The following SHLD1 variants were observed in gnomAD, a reference collection of about 807,000 sequenced individuals.
SHLD1 encodes the protein RINN1-REV7-interacting novel NHEJ regulator 3.
In SHLD1, 3 loss-of-function variants were observed where a neutral mutation model predicts 5.5. The ratio of observed to expected loss-of-function variants is 0.54; its 90% CI spans 0.25 to 1.40. The LOEUF is 1.40. SHLD1 is among the 40% of genes most tolerant of loss of function. The pLI, the probability that SHLD1 is intolerant of heterozygous loss-of-function variation, is 0.15. For synonymous variants in SHLD1, 92 were observed against 94.3 expected (o/e 0.98, Z 0.14); for missense variants, 210 against 244.4 (o/e 0.86, Z 0.94).
At chr20:5,798,709 C>T (rs894165647) in intron 2 of SHLD1, among the ~76,000 whole-genome samples, 7 of 152,010 alleles carry the variant, frequency 4.6e-5, no homozygotes, top group African/African-American at 1.7e-4. Flanking sequence ...GCTCCGCCTC[C>T]CAGGTTCACG....
intron 2 of SHLD1, among the ~76,000 whole-genome samples, chr20:5,798,254 G>A (rs2087239043): frequency 6.6e-6 from 1 of 152,142 alleles, no homozygotes; most frequent in East Asian, 1.9e-4. Context: ...GTTCTGAGAG[G>A]GGAAATCGCA....
In SHLD1 at chr20:5,855,752, T is replaced by C. The variant is rs577286728; in HGVS notation, c.179-7272T>C. On this transcript the variant is annotated intron_variant, in intron 2 of 2. Coordinates refer to ENST00000303142, the MANE Select transcript of SHLD1 (RefSeq NM_152504.4). The surrounding 1 kb of genome is among the most constrained non-coding windows in gnomAD (Gnocchi z 4.4). Reference sequence around the variant, plus strand: ...TCTTGGCTAATGTGAATATGAGAAATGCAATTTGAAATAGTGTGCCCAGGA... The same window carrying C: ...TCTTGGCTAATGTGAATATGAGAAACGCAATTTGAAATAGTGTGCCCAGGA... 1.8e-4 allele frequency among the ~76,000 whole-genome samples: 28 copies of C among 152,312 alleles called. 1 individual carries two copies. The South Asian group carries it at 5.2e-3, about 28-fold the overall frequency.
chr20:5,774,335 T>C (rs895909513), intron 2 of SHLD1, among the ~76,000 whole-genome samples: 6 of 152,228 alleles, frequency 3.9e-5, no homozygotes, highest in Non-Finnish European at 7.3e-5. Flanking sequence ...ACAGGTAGGA[T>C]GTGTAACTGT....
chr20:5,801,071 C>CTTTTTTTT (rs67798135), intron 2 of SHLD1, among the ~76,000 whole-genome samples: 3 of 121,942 alleles, frequency 2.5e-5, no homozygotes, highest in Non-Finnish European at 1.8e-5. Context: ...CAGCCACCAT[C>CTTTTTTTT]TTTTTTTTTT....
intron 1 of SHLD1, among the ~76,000 whole-genome samples, chr20:5,772,406 G>T (rs1985216807): frequency 6.6e-6 from 1 of 152,192 alleles, no homozygotes; most frequent in Non-Finnish European, 1.5e-5. Context: ...GGTAATTAAT[G>T]TCCCAGGTGG....
At chr20:5,854,456 T>G (rs1475552541) in intron 2 of SHLD1, among the ~76,000 whole-genome samples, 1 of 152,126 alleles carries the variant, frequency 6.6e-6, no homozygotes, top group African/African-American at 2.4e-5. Context: ...CCTCCACTTC[T>G]GCTATGATAA....
chr20:5,755,548 A>G (rs1039840784), intron 1 of SHLD1, among the ~76,000 whole-genome samples: 2 of 149,978 alleles, frequency 1.3e-5, no homozygotes, highest in Non-Finnish European at 3.0e-5. Flanking sequence ...AGGGAAGAAC[A>G]TTTTCTTTTT....
intron 2 of SHLD1, among the ~76,000 whole-genome samples, chr20:5,783,414 A>G (rs961279260): frequency 1.3e-5 from 2 of 151,960 alleles, no homozygotes; most frequent in Non-Finnish European, 2.9e-5. Context: ...AGTAGAGACA[A>G]GGTTTCACCA....
At chr20:5,825,469 TTCTG>T (rs1173655093) in intron 2 of SHLD1, among the ~76,000 whole-genome samples, 6 of 152,256 alleles carry the variant, frequency 3.9e-5, no homozygotes, top group Admixed American at 3.9e-4. Context: ...CATTTTCCCT[TTCTG>T]TCTTTTTCCG....
intron 2 of SHLD1, among the ~76,000 whole-genome samples, chr20:5,836,734 C>T (rs1461321067): frequency 6.6e-6 from 1 of 152,128 alleles, no homozygotes; most frequent in East Asian, 1.9e-4. Flanking sequence ...ACAGTTCAGT[C>T]ATCCTATATG....
chr20:5,820,804 G>A (rs1036214941), intron 2 of SHLD1, among the ~76,000 whole-genome samples: 3 of 152,198 alleles, frequency 2.0e-5, no homozygotes, highest in African/African-American at 7.2e-5. Flanking sequence ...ACAAGCTTTA[G>A]CTTGGGCCTT....
intron 1 of SHLD1, among the ~76,000 whole-genome samples, chr20:5,764,193 T>TGTGTG (rs1331405597): frequency 5.5e-4 from 41 of 74,860 alleles, no homozygotes; most frequent in African/African-American, 2.6e-3. Context: ...TATATATATT[T>TGTGTG]TATATATATA....
chr20:5,817,331 A>C (rs1467352534), intron 2 of SHLD1, among the ~76,000 whole-genome samples: 1 of 151,652 alleles, frequency 6.6e-6, no homozygotes, highest in African/African-American at 2.4e-5. Context: ...TATGGCAGGC[A>C]GTTAAATTAC....
intron 2 of SHLD1, among the ~76,000 whole-genome samples, chr20:5,800,196 A>G (rs1427262614): frequency 1.3e-5 from 2 of 152,242 alleles, no homozygotes; most frequent in Non-Finnish European, 2.9e-5. Flanking sequence ...AAACATGTCA[A>G]TAGTTTCAAG....
At chr20:5,795,947 G>A (rs549850814) in intron 2 of SHLD1, among the ~76,000 whole-genome samples, 9 of 149,908 alleles carry the variant, frequency 6.0e-5, no homozygotes, top group East Asian at 4.0e-4. Context: ...AGCCGAGATC[G>A]CACCACTGCA....
intron 2 of SHLD1, among the ~76,000 whole-genome samples, chr20:5,790,540 C>T (rs1337349383): frequency 6.6e-6 from 1 of 151,268 alleles, no homozygotes; most frequent in Non-Finnish European, 1.5e-5. Context: ...GCAAACTCCG[C>T]CCCCTGGGTT....
intron 2 of SHLD1, among the ~76,000 whole-genome samples, chr20:5,839,779 G>A (rs911562211): frequency 2.0e-5 from 3 of 152,154 alleles, no homozygotes; most frequent in African/African-American, 7.2e-5. Flanking sequence ...AATAACTTCA[G>A]GATGCTTTTA....
At chr20:5,850,129 A>ATAATAATAG (rs2087988855) in intron 2 of SHLD1, among the ~76,000 whole-genome samples, 1 of 147,404 alleles carries the variant, frequency 6.8e-6, no homozygotes, top group Non-Finnish European at 1.5e-5. Context: ...AATAATAATA[A>ATAATAATAG]TAATAATAAT....
chr20:5,824,786 C>T (rs543262755), intron 2 of SHLD1, among the ~76,000 whole-genome samples: 2 of 152,164 alleles, frequency 1.3e-5, no homozygotes, highest in South Asian at 4.1e-4. Context: ...CAGTTTTATT[C>T]GAAGATCCTA....
Sources: gnomAD v4.1 joint callset for allele counts (sites outside exome capture counted in the v4.1 genomes callset) on GRCh38, gnomAD v4.1.1 for gene constraint, Gnocchi (gnomAD v3.1) non-coding constraint, MANE v1.5 for transcripts, NCBI Gene and HGNC (gene_info 2026-07-23, HGNC 2026-07-21) for gene names.